Variants in PLEKHO2 observed in about 807,000 individuals in gnomAD.
PLEKHO2 encodes pleckstrin homology domain-containing family O member 2.
A neutral mutation model predicts 32.7 loss-of-function variants in PLEKHO2; 20 were observed. The observed-to-expected ratio is 0.61, with a 90% CI of 0.43 to 0.89. The LOEUF is 0.89. Among genes scored for constraint, PLEKHO2 ranks in the 40% least tolerant of loss-of-function variants. The probability of loss-of-function intolerance (pLI) is 0.00; values close to 1 mark genes in which losing one functional copy is unlikely to be tolerated. For missense variants in PLEKHO2, 568 were observed against 621.2 expected, an observed-to-expected ratio of 0.91 and a Z score of 0.91; for synonymous variants, 247 against 246.3, an observed-to-expected ratio of 1.00 and a Z score of -0.03.
At position 64,854,606 on chromosome 15, in the gene PLEKHO2, C is replaced by G. The variant is rs144364872; in HGVS notation, c.163-315C>G. ...ATCTCTGCCTGGCCTCTGGGCATGGCTGGACCCCAGACAGCCTTTTCTTAT... is the reference window on the plus strand; with the variant it reads ...ATCTCTGCCTGGCCTCTGGGCATGGGTGGACCCCAGACAGCCTTTTCTTAT... On this transcript the variant is annotated intron_variant, in intron 2 of 5. Coordinates refer to ENST00000323544, the MANE Select transcript of PLEKHO2 (RefSeq NM_025201.5). Among the ~76,000 whole-genome samples, 21 of 152,376 alleles carry G rather than the reference C, an allele frequency of 1.4e-4. No homozygotes were observed. The East Asian group carries it at 3.7e-3, about 27-fold the overall frequency.
At chr15:64,845,505 G>A (rs930336785) in intron 1 of PLEKHO2, among the ~76,000 whole-genome samples, 1 of 152,106 alleles carries the variant, frequency 6.6e-6, no homozygotes, top group African/African-American at 2.4e-5. Flanking sequence ...CTGAGGGGCA[G>A]GGAAGGGGGC....
At chr15:64,855,122 C>T in intron 3 of PLEKHO2, 85 bp downstream of exon 3, 1 of 1,094,336 alleles carries the variant, frequency 9.1e-7, no homozygotes, top group Non-Finnish European at 1.4e-6. Flanking sequence ...CAGGCCTGGC[C>T]CCTTGAAAAA....
chr15:64,865,702 G>A lies in PLEKHO2; in HGVS notation c.1287G>A (p.Lys429=), dbSNP rs116174314. 2,851 of 1,614,220 alleles carry A rather than the reference G, an allele frequency of 1.8e-3. 44 individuals are homozygous for A. In the African/African-American group the frequency reaches 0.032, roughly 18 times the overall value. ...AACAGACGGAGAAACTGTTGAACAA[G>A]GTGCTGGGCAGTGAGCCGGCCCCTG... is the stretch of plus-strand genomic sequence containing the variant. ...ASEQTEKLLN[K]VLGSEPAPVS... The change falls in exon 6 of 6, where the codon AAG becomes AAA. Residue 429 remains lysine (K), a synonymous_variant. Transcript: ENST00000323544.
chr15:64,851,964 A>G (rs1453335154), intron 2 of PLEKHO2, among the ~76,000 whole-genome samples: 1 of 152,102 alleles, frequency 6.6e-6, no homozygotes, highest in Non-Finnish European at 1.5e-5. Context: ...CTCAATCTGG[A>G]TAAGGCACTC....
At chr15:64,848,300 T>C (rs1269104840) in intron 1 of PLEKHO2, among the ~76,000 whole-genome samples, 1 of 152,200 alleles carries the variant, frequency 6.6e-6, no homozygotes, top group East Asian at 1.9e-4. Flanking sequence ...TAGTTTGCTA[T>C]GACATGTGGA....
intron 5 of PLEKHO2, among the ~76,000 whole-genome samples, chr15:64,863,094 C>T (rs1442253954): frequency 6.6e-6 from 1 of 152,044 alleles, no homozygotes; most frequent in East Asian, 1.9e-4. Flanking sequence ...CCCTCCACCA[C>T]CCCCGGCTAA....
rs757557072 is a variant in PLEKHO2 at position 64,865,574 on chromosome 15, C to G, written c.1159C>G (p.Arg387Gly). 6.2e-7 allele frequency: 1 copy of G among 1,614,188 alleles called. No homozygotes were observed. The highest frequency in any genetic ancestry group is 8.5e-7 in the Non-Finnish European group (1 of 1,180,020). The change falls in exon 6 of 6, where the codon CGC becomes GGC. Residue 387 changes from arginine to glycine, a missense_variant. Coordinates refer to ENST00000323544, the MANE Select transcript of PLEKHO2 (RefSeq NM_025201.5). ...GGACCTGCCACCTCAGTTCCATCCC[C>G]GCTGCTCCTCCCTTGGGGACTTGCT... is the stretch of plus-strand genomic sequence containing the variant. Reference protein sequence around the residue: ...PWDLPPQFHPRCSSLGDLLGE... With the variant: ...PWDLPPQFHPGCSSLGDLLGE...
intron 1 of PLEKHO2, among the ~76,000 whole-genome samples, chr15:64,844,443 C>T (rs2084508330): frequency 6.6e-6 from 1 of 152,226 alleles, no homozygotes; most frequent in Non-Finnish European, 1.5e-5. Flanking sequence ...CTGCGAATAT[C>T]AGTGGGGGTA....
In PLEKHO2 at chr15:64,866,052, C is replaced by A; in HGVS notation, c.*164C>A. ...CCCGAAGAGACTCCTGGCGTCCTTC[C>A]TACTCTGCTCTGGCCAGTGGTGCCA... On this transcript the variant is annotated 3_prime_UTR_variant, in exon 6 of 6. Transcript: ENST00000323544. 1.1e-6 allele frequency: 1 copy of A among 931,928 alleles called. No individual in the cohort carries two copies. The highest frequency in any genetic ancestry group is 1.6e-6 in the Non-Finnish European group (1 of 639,734). 57.7% of individuals were successfully genotyped at this position (931,928 alleles called of 1,614,324 possible). A position where few individuals can be genotyped will look rare whatever the true frequency, so the allele number is the denominator to read the frequency against.
Position 64,842,037 on chromosome 15 carries a change from G to C in PLEKHO2, c.12+9G>C. The C allele has an allele frequency of 8.1e-7, 1 of 1,239,532 alleles. No homozygotes were observed. The highest frequency in any genetic ancestry group is 1.0e-6 in the Non-Finnish European group (1 of 991,322). 76.8% of individuals were successfully genotyped at this position (1,239,532 alleles called of 1,614,324 possible). On this transcript the variant is annotated intron_variant, in intron 1 of 5. Transcript: ENST00000323544. ...TCGCCATGGAGGAGGAGGTGAGGGC[G>C]GGGCCCGGCGGGGCGTTGGGCTGGG... is the stretch of plus-strand genomic sequence containing the variant.
Position 64,866,635 on chromosome 15 carries a change from A to AG in PLEKHO2, c.*751dup. ...GATTCAAGAGTGGAAGAGGAATTTA[A>AG]GGGGTCCCCTAGTCTAGTCTCTGCC... On this transcript the variant is annotated 3_prime_UTR_variant, in exon 6 of 6. Coordinates refer to ENST00000323544, the MANE Select transcript of PLEKHO2 (RefSeq NM_025201.5). 3.1e-6 allele frequency: 1 copy of AG among 321,696 alleles called. No homozygotes were observed. Among genetic ancestry groups the AG allele is most frequent in the South Asian group, 2.6e-5 (1 of 39,176 alleles). 19.9% of individuals were successfully genotyped at this position (321,696 alleles called of 1,614,324 possible).
At chr15:64,845,708 C>T (rs2084516821) in intron 1 of PLEKHO2, among the ~76,000 whole-genome samples, 1 of 152,212 alleles carries the variant, frequency 6.6e-6, no homozygotes, top group Non-Finnish European at 1.5e-5. Context: ...GTAGGTAATC[C>T]AGTCACAGTA....
chr15:64,865,804 T>C lies in PLEKHO2; in HGVS notation c.1389T>C (p.Asp463=), dbSNP rs770230980. 5.0e-6 allele frequency: 8 copies of C among 1,613,368 alleles called. No homozygotes were observed. The Admixed American group carries it at 1.2e-4, about 24-fold the overall frequency. ...CCCAGGTCCTGCAGGAAATGAGAGA[T>C]TTGGGAGAGCTGAGCCAGGAAGCAC... ...QATQVLQEMR[D]LGELSQEAPG... is the part of the protein sequence containing the mutation. Residue 463 remains aspartate, a synonymous_variant, in exon 6 of 6, where the codon GAT becomes GAC. Coordinates refer to ENST00000323544, the MANE Select transcript of PLEKHO2 (RefSeq NM_025201.5).
chr15:64,865,881 C>T lies in PLEKHO2; in HGVS notation c.1466C>T (p.Ala489Val). Residue 489 changes from alanine to valine, a missense_variant, in exon 6 of 6, where the codon GCA becomes GTA. Physicochemically the swap from Ala to Val is moderately conservative, Grantham distance 64 (BLOSUM62 0). Transcript: ENST00000323544. ...CTGGTGACCCTCTACAGGAGAAGTG[C>T]ACCCTAGGGCCTTCTGGGCCAGAGG... is the stretch of plus-strand genomic sequence containing the variant. ...KELVTLYRRS[A>V]P The T allele has an allele frequency of 6.3e-7, 1 of 1,599,324 alleles. No homozygotes were observed. Among genetic ancestry groups the T allele is most frequent in the African/African-American group, 1.3e-5 (1 of 74,874 alleles).
chr15:64,852,946 G>C (rs1323258446), intron 2 of PLEKHO2, among the ~76,000 whole-genome samples: 1 of 151,714 alleles, frequency 6.6e-6, no homozygotes, highest in Non-Finnish European at 1.5e-5. Flanking sequence ...TCAAGAGTTC[G>C]AGACCAGCCT....
Position 64,866,350 on chromosome 15 carries a change from G to A in PLEKHO2, c.*462G>A. ...GGCAAAGAGCCTCATGGCTAAGGCAGCCTCAAAGCCAGCCCCTCCTCCCAC... is the reference window on the plus strand; with the variant it reads ...GGCAAAGAGCCTCATGGCTAAGGCAACCTCAAAGCCAGCCCCTCCTCCCAC... On this transcript the variant is annotated 3_prime_UTR_variant, in exon 6 of 6. Transcript: ENST00000323544. The A allele has an allele frequency of 6.6e-6, 3 of 457,170 alleles. No homozygotes were observed. Among genetic ancestry groups the A allele is most frequent in the South Asian group, 4.6e-5 (3 of 64,572 alleles). The allele number at this position is 457,170 out of a possible 1,614,324, so 28.3% of individuals were successfully genotyped here. A position where few individuals can be genotyped will look rare whatever the true frequency, so the allele number is the denominator to read the frequency against.
intron 1 of PLEKHO2, among the ~76,000 whole-genome samples, chr15:64,842,963 G>C (rs933715105): frequency 6.6e-6 from 1 of 152,340 alleles, no homozygotes; most frequent in African/African-American, 2.4e-5. Flanking sequence ...CCCCTGAGGG[G>C]GTCCCAGCTT....
chr15:64,864,919 C>A lies in PLEKHO2; in HGVS notation c.504C>A (p.Asp168Glu). The A allele has an allele frequency of 6.2e-7, 1 of 1,609,308 alleles. No individual in the cohort carries two copies. The highest frequency in any genetic ancestry group is 8.5e-7 in the Non-Finnish European group (1 of 1,176,956). The change falls in exon 6 of 6, where the codon GAC becomes GAA. Residue 168 changes from aspartate to glutamate, a missense_variant. Coordinates refer to ENST00000323544, the MANE Select transcript of PLEKHO2 (RefSeq NM_025201.5). ...ACCAGGTGGCCAGTGCAGCTTCTGA[C>A]GGTCTTCTGCGCCTGGATCTTGATG... ...HLKEVASAASDGLLRLDLDVP... is the reference protein window; with the variant it reads ...HLKEVASAASEGLLRLDLDVP...
intron 2 of PLEKHO2, among the ~76,000 whole-genome samples, chr15:64,850,882 A>T (rs551676461): frequency 2.2e-4 from 33 of 152,228 alleles, no homozygotes; most frequent in Admixed American, 3.9e-4. Flanking sequence ...CACTGAAAAC[A>T]GGGTAGCAAT....
Sources: allele counts gnomAD v4.1 joint callset (sites outside exome capture counted in the v4.1 genomes callset), GRCh38; gene constraint gnomAD v4.1.1; transcripts MANE v1.5; gene names NCBI Gene and HGNC (gene_info 2026-07-23, HGNC 2026-07-21).